The following TFAP2B variants were observed in gnomAD, a reference collection of about 807,000 sequenced individuals.
The protein encoded by TFAP2B is transcription factor AP-2-beta.
Under a neutral mutation model 44.3 loss-of-function variants are expected in TFAP2B, and 9 were observed. The observed-to-expected ratio is 0.20, with a 90% CI of 0.12 to 0.35. The LOEUF is 0.35. Among genes scored for constraint, TFAP2B ranks in the 10% least tolerant of loss-of-function variants. The pLI is 1.00. For synonymous variants in TFAP2B, 270 were observed against 263.8 expected (o/e 1.02, Z -0.23); for missense variants, 509 against 600.0 (o/e 0.85, Z 1.59).
intron 1 of TFAP2B, chr6:50,822,266 T>C (rs1448523811): frequency 9.6e-7 from 1 of 1,039,800 alleles, no homozygotes; most frequent in East Asian, 6.0e-5. Context: ...TCTGTCTCTC[T>C]CTGTCTTCCT....
rs746447778 is a variant in TFAP2B at position 50,823,727 on chromosome 6, C to T, written c.402C>T (p.Gly134=). The T allele has an allele frequency of 3.7e-6, 6 of 1,612,040 alleles. No individual in the cohort carries two copies. The South Asian group carries it at 6.6e-5, about 18-fold the overall frequency. The change falls in exon 2 of 7, where the codon GGC becomes GGT. Residue 134 remains glycine (G), a synonymous_variant. Transcript: ENST00000393655. ...QPRAALPQLS[G]LDPRRDYHSV... ...GGGCCGCCTTGCCCCAGCTCTCGGGCCTTGACCCCCGGAGGGACTACCACT... is the reference window on the plus strand; with the variant it reads ...GGGCCGCCTTGCCCCAGCTCTCGGGTCTTGACCCCCGGAGGGACTACCACT...
intron 6 of TFAP2B, 145 bp from the exon 7 acceptor site, chr6:50,842,946 TG>T: frequency 8.7e-7 from 1 of 1,155,642 alleles, no homozygotes. Context: ...GGGAGGGCGC[TG>T]GGAAAGGAAA....
Position 50,823,757 on chromosome 6 carries a change from C to A in TFAP2B, c.432C>A (p.Val144=). ...GLDPRRDYHS[V]RRPDVLLHSA... ...ACCCCCGGAGGGACTACCACTCGGT[C>A]CGCCGGCCGGACGTGCTGCTGCATT... Residue 144 remains valine, a synonymous_variant, in exon 2 of 7, where the codon GTC becomes GTA. Transcript: ENST00000393655. The A allele has an allele frequency of 6.2e-7, 1 of 1,604,778 alleles. No individual in the cohort carries two copies. The highest frequency in any genetic ancestry group is 8.5e-7 in the Non-Finnish European group (1 of 1,175,610).
rs1358015233 is a variant in TFAP2B, at chr6:50,847,384, T to G, written c.*3992T>G. On this transcript the variant is annotated 3_prime_UTR_variant, in exon 7 of 7. Coordinates refer to ENST00000393655, the MANE Select transcript of TFAP2B (RefSeq NM_003221.4). ...TGTTAAGTTTGTATATATTTATTTA[T>G]GCTTAATTTAATGGGAATGTGTAAA... 6.6e-6 allele frequency: 1 copy of G among 152,656 alleles called. No homozygotes were observed. The highest frequency in any genetic ancestry group is 1.5e-5 in the Non-Finnish European group (1 of 68,036). The allele number at this position is 152,656 out of a possible 1,614,324, so 9.5% of individuals were successfully genotyped here.
In TFAP2B at chr6:50,838,086, G is replaced by A. The variant is rs1762656724; in HGVS notation, c.933G>A (p.Leu311=). Residue 311 remains leucine, a synonymous_variant, in exon 5 of 7, where the codon CTG becomes CTA. Transcript: ENST00000393655. ...KAANVTLLTS[L]VEGEAVHLAR... ...CAAATGTCACGTTACTCACCTCCCTGGTGGAAGGTAAGCAAGACGTGTGGC... is the reference window on the plus strand; with the variant it reads ...CAAATGTCACGTTACTCACCTCCCTAGTGGAAGGTAAGCAAGACGTGTGGC... 1.9e-6 allele frequency: 3 copies of A among 1,613,328 alleles called. No homozygotes were observed. The African/African-American group carries it at 4.0e-5, about 22-fold the overall frequency.
At chr6:50,832,610 G>A (rs1369192232) in intron 3 of TFAP2B, among the ~76,000 whole-genome samples, 1 of 152,154 alleles carries the variant, frequency 6.6e-6, no homozygotes, top group Admixed American at 6.5e-5. Context: ...AAGCCTCCTG[G>A]TTGTTTCCCA....
At chr6:50,818,734 G>T, upstream of TFAP2B, 1 of 648,318 alleles carries the variant, frequency 1.5e-6, no homozygotes, top group African/African-American at 1.8e-5. Context: ...TTTTCTCTTT[G>T]CTGAGGCTTA....
chr6:50,823,920 T>G, intron 2 of TFAP2B, 55 bp downstream of exon 2: 1 of 1,524,096 alleles, frequency 6.6e-7, no homozygotes, highest in East Asian at 2.4e-5. Context: ...AAGGAATGCT[T>G]CTGGAGGGGG....
chr6:50,842,724 G>GA (rs1351616449), intron 6 of TFAP2B, among the ~76,000 whole-genome samples: 2 of 152,172 alleles, frequency 1.3e-5, no homozygotes, highest in Admixed American at 6.5e-5. Context: ...GGGCGCGGGG[G>GA]AAACAGCTCA....
At position 50,823,410 on chromosome 6, in the gene TFAP2B, C is replaced by G. The variant is rs1189387572; in HGVS notation, c.85C>G (p.Arg29Gly). 2.5e-6 allele frequency: 4 copies of G among 1,589,492 alleles called. No homozygotes were observed. The change falls in exon 2 of 7, where the codon CGG becomes GGG. Residue 29 changes from arginine to glycine, a missense_variant. Physicochemically the swap from Arg to Gly is moderately radical, Grantham distance 125. Around this residue, in one of 3 missense-constraint regions of TFAP2B, gnomAD observed 296 missense variants for 308.2 expected, o/e 0.96. Coordinates refer to ENST00000393655, the MANE Select transcript of TFAP2B (RefSeq NM_003221.4). ...NVKYEDIYEDRHDGVPSHSSR... is the reference protein window; with the variant it reads ...NVKYEDIYEDGHDGVPSHSSR... The stretch of plus-strand genomic sequence containing the variant: ...CCCTTCCTCTCTCCGCTCCCAGGAC[C>G]GGCACGATGGTGTCCCGAGCCACAG...
At chr6:50,837,894 C>G (rs1762653787) in intron 4 of TFAP2B, 81 bp from the exon 5 acceptor site, 3 of 1,151,826 alleles carry the variant, frequency 2.6e-6, no homozygotes, top group South Asian at 2.4e-5. Context: ...TCAAGCTCCA[C>G]TGGGCTTTAG....
At position 50,843,470 on chromosome 6, in the gene TFAP2B, A is replaced by G. The variant is rs1762776135; in HGVS notation, c.*78A>G. On this transcript the variant is annotated 3_prime_UTR_variant, in exon 7 of 7. Transcript: ENST00000393655. ...ACAAAAATTTAATTTTAGCTTTAAA[A>G]TATTGGATTGGCTTTGGAAGAATTA... The G allele has an allele frequency of 2.8e-6, 4 of 1,430,286 alleles. No individual in the cohort carries two copies. Among genetic ancestry groups the G allele is most frequent in the Non-Finnish European group, 3.8e-6 (4 of 1,045,168 alleles). 88.6% of individuals were successfully genotyped at this position (1,430,286 alleles called of 1,614,324 possible).
chr6:50,825,338 A>G (rs550023236), intron 2 of TFAP2B, among the ~76,000 whole-genome samples: 2 of 152,154 alleles, frequency 1.3e-5, no homozygotes, highest in East Asian at 3.9e-4. Flanking sequence ...CTCGAGGGGA[A>G]AAGTTTTTAA....
rs759841740 is a variant in TFAP2B, at chr6:50,818,969, T to C, written c.78T>C (p.Tyr26=). The C allele has an allele frequency of 1.2e-6, 2 of 1,614,084 alleles. No individual in the cohort carries two copies. Among genetic ancestry groups the C allele is most frequent in the South Asian group, 2.2e-5 (2 of 91,080 alleles). ...AGAATGTCAAGTACGAAGATATCTA[T>C]GAGGTGAGTCGACACCCCCAGATGC... ...LVENVKYEDI[Y]EDRHDGVPSH... The change falls in exon 1 of 7, where the codon TAT becomes TAC. Residue 26 remains tyrosine (Y), a synonymous_variant. Coordinates refer to ENST00000393655, the MANE Select transcript of TFAP2B (RefSeq NM_003221.4).
intron 2 of TFAP2B, among the ~76,000 whole-genome samples, chr6:50,827,581 A>G (rs973201897): frequency 1.3e-5 from 2 of 152,122 alleles, no homozygotes; most frequent in African/African-American, 4.8e-5. Context: ...ACAGCTCCTC[A>G]CTCTCAAGCC....
Position 50,843,383 on chromosome 6 carries a change from C to A in TFAP2B, c.1374C>A (p.His458Gln), listed in dbSNP as rs754244526. 3 of 1,612,398 alleles carry A rather than the reference C, an allele frequency of 1.9e-6. No individual in the cohort carries two copies. Among genetic ancestry groups the A allele is most frequent in the Non-Finnish European group, 2.5e-6 (3 of 1,179,658 alleles). ...AAACTGGCGACAAGGAGGAGAAACACAGGAAATGAAAAATTTTTAAAAAAA... is the reference window on the plus strand; with the variant it reads ...AAACTGGCGACAAGGAGGAGAAACAAAGGAAATGAAAAATTTTTAAAAAAA... ...GSKTGDKEEK[H>Q]RK is the part of the protein sequence containing the mutation. The change falls in exon 7 of 7, where the codon CAC becomes CAA. Residue 458 changes from histidine to glutamine, a missense_variant. Physicochemically the swap from His to Gln is conservative, Grantham distance 24. This residue lies in a region of TFAP2B where 168 missense variants were observed against 183.2 expected (regional missense o/e 0.92). Coordinates refer to ENST00000393655, the MANE Select transcript of TFAP2B (RefSeq NM_003221.4).
At chr6:50,830,748 T>C (rs1271725147) in intron 3 of TFAP2B, among the ~76,000 whole-genome samples, 1 of 152,222 alleles carries the variant, frequency 6.6e-6, no homozygotes, top group Non-Finnish European at 1.5e-5. Flanking sequence ...TAACTCAGTA[T>C]AAGCCACTTA....
chr6:50,828,001 G>C (rs905439657), intron 2 of TFAP2B, among the ~76,000 whole-genome samples: 1 of 152,308 alleles, frequency 6.6e-6, no homozygotes, highest in Middle Eastern at 3.4e-3. Context: ...GCATCAGCAG[G>C]ACTGGGAGGG....
intron 1 of TFAP2B, among the ~76,000 whole-genome samples, chr6:50,820,636 T>G (rs1172419314): frequency 1.3e-5 from 2 of 152,254 alleles, no homozygotes; most frequent in Non-Finnish European, 2.9e-5. Flanking sequence ...GGCCTCCTTT[T>G]CTTTCCTTAA....
Sources: gnomAD v4.1 joint callset for allele counts (sites outside exome capture counted in the v4.1 genomes callset) on GRCh38, gnomAD v4.1.1 for gene constraint, gnomAD v4.1.1 regional missense constraint, MANE v1.5 for transcripts, NCBI Gene and HGNC (gene_info 2026-07-23, HGNC 2026-07-21) for gene names.